ASIC2: variants seen among roughly 807,000 people sequenced by gnomAD.
The protein encoded by ASIC2 is acid-sensing ion channel 2.
A neutral mutation model predicts 57.3 loss-of-function variants in ASIC2; 25 were observed. The ratio of observed to expected loss-of-function variants is 0.44; its 90% CI spans 0.32 to 0.61. The LOEUF (loss-of-function observed/expected upper bound fraction) is 0.61. Ranked by LOEUF, ASIC2 falls within the 20% of genes least tolerant of loss-of-function variation. The pLI, the probability that ASIC2 is intolerant of heterozygous loss-of-function variation, is 0.06. For synonymous variants in ASIC2, 319 were observed against 307.5 expected (o/e 1.04, Z -0.39); for missense variants, 641 against 738.1 (o/e 0.87, Z 1.52).
chr17:33,530,501 G>C (rs1194955563), intron 1 of ASIC2, among the ~76,000 whole-genome samples: 5 of 152,254 alleles, frequency 3.3e-5, no homozygotes, highest in Non-Finnish European at 7.3e-5. Flanking sequence ...GCTGCCCACA[G>C]ACACTGCCAG....
chr17:33,105,828 G>C (rs1567746694), intron 2 of ASIC2, among the ~76,000 whole-genome samples: 1 of 152,198 alleles, frequency 6.6e-6, no homozygotes, highest in African/African-American at 2.4e-5. Context: ...CTGGAGCAAA[G>C]GTCACTCTTG....
At chr17:33,592,953 C>A (rs558786808) in intron 1 of ASIC2, among the ~76,000 whole-genome samples, 2 of 152,314 alleles carry the variant, frequency 1.3e-5, no homozygotes, top group East Asian at 3.9e-4. Flanking sequence ...TTATAATTTG[C>A]AGCTTACAGA....
intron 1 of ASIC2, among the ~76,000 whole-genome samples, chr17:33,689,838 A>G (rs1425151784): frequency 6.6e-6 from 1 of 152,210 alleles, no homozygotes; most frequent in Non-Finnish European, 1.5e-5. Context: ...ATAGAATTGG[A>G]GTGAGGTGGC....
chr17:33,402,758 G>A (rs1230742939), intron 1 of ASIC2, among the ~76,000 whole-genome samples: 1 of 152,148 alleles, frequency 6.6e-6, no homozygotes, highest in Non-Finnish European at 1.5e-5. Flanking sequence ...ACGCGTGTAC[G>A]TATCTTTATA....
chr17:33,610,337 A>G (rs1468015692), intron 1 of ASIC2, among the ~76,000 whole-genome samples: 1 of 151,928 alleles, frequency 6.6e-6, no homozygotes, highest in African/African-American at 2.4e-5. Flanking sequence ...TTGTATTTAT[A>G]GTAGAGACGG....
chr17:33,660,396 T>C (rs1328859273), intron 1 of ASIC2, among the ~76,000 whole-genome samples: 1 of 152,184 alleles, frequency 6.6e-6, no homozygotes, highest in Non-Finnish European at 1.5e-5. Flanking sequence ...CACAAACACA[T>C]TGTACAGCTG....
intron 1 of ASIC2, among the ~76,000 whole-genome samples, chr17:33,239,164 G>A (rs984341951): frequency 1.3e-5 from 2 of 151,166 alleles, no homozygotes; most frequent in African/African-American, 2.4e-5. Flanking sequence ...GGTGGCATGC[G>A]CCTGTAATCC....
intron 1 of ASIC2, among the ~76,000 whole-genome samples, chr17:33,451,816 C>T (rs547743295): frequency 1.1e-4 from 17 of 152,330 alleles, no homozygotes; most frequent in Admixed American, 7.8e-4. Context: ...TACCCCATAG[C>T]ACCCTACGTT....
At chr17:33,803,681 A>C (rs950602800) in intron 1 of ASIC2, among the ~76,000 whole-genome samples, 1 of 147,282 alleles carries the variant, frequency 6.8e-6, no homozygotes, top group Non-Finnish European at 1.5e-5. Flanking sequence ...AATTCATTTC[A>C]CCCACAAAAC....
chr17:33,707,106 A>G (rs1050370593), intron 1 of ASIC2, among the ~76,000 whole-genome samples: 2 of 152,186 alleles, frequency 1.3e-5, no homozygotes, highest in African/African-American at 4.8e-5. Flanking sequence ...AGCTTCTGAT[A>G]GTGCTATTGA....
chr17:33,263,784 C>T (rs911538677), intron 1 of ASIC2, among the ~76,000 whole-genome samples: 2 of 152,258 alleles, frequency 1.3e-5, no homozygotes, highest in African/African-American at 4.8e-5. Flanking sequence ...GGTCTTTCCC[C>T]ATTCTGCTTA....
chr17:33,224,486 G>A lies in ASIC2; in HGVS notation c.708+66922C>T, dbSNP rs751228258. Among the ~76,000 whole-genome samples, 3 of 152,092 alleles carry A rather than the reference G, an allele frequency of 2.0e-5. No homozygotes were observed. In the South Asian group the frequency reaches 6.2e-4, roughly 32 times the overall value. On this transcript the variant is annotated intron_variant, in intron 1 of 9. Coordinates refer to ENST00000225823, the MANE Select transcript of ASIC2 (RefSeq NM_183377.2). ...CTCTCAGAGAAGGTGGAAGTGTGTC[G>A]ATCAACAAATTGGCTAAAATATAGA...
chr17:34,051,670 TA>T (rs1908559841), intron 1 of ASIC2: 2 of 152,156 alleles, frequency 1.3e-5, no homozygotes, highest in Admixed American at 1.3e-4. Context: ...GCATTCTTGT[TA>T]GATTAATAAG....
At chr17:33,525,384 T>C (rs911616499) in intron 1 of ASIC2, among the ~76,000 whole-genome samples, 6 of 152,158 alleles carry the variant, frequency 3.9e-5, no homozygotes, top group Non-Finnish European at 7.4e-5. Flanking sequence ...CCACCACCCC[T>C]TGGAAATATC....
chr17:34,051,252 A>T (rs1039081433), intron 1 of ASIC2, among the ~76,000 whole-genome samples: 2 of 152,090 alleles, frequency 1.3e-5, no homozygotes, highest in African/African-American at 4.8e-5. Context: ...CTCTTAGCTC[A>T]TCTCCCTCTA....
chr17:33,096,640 G>A (rs2092180924), intron 2 of ASIC2, among the ~76,000 whole-genome samples: 1 of 152,172 alleles, frequency 6.6e-6, no homozygotes, highest in South Asian at 2.1e-4. Flanking sequence ...TAACAAACAG[G>A]TACACGTGTA....
At chr17:33,339,486 A>G (rs1198481848) in intron 1 of ASIC2, among the ~76,000 whole-genome samples, 2 of 152,214 alleles carry the variant, frequency 1.3e-5, no homozygotes, top group African/African-American at 4.8e-5. Flanking sequence ...ATAGGTTGCC[A>G]ATCCCTGCTA....
intron 1 of ASIC2, among the ~76,000 whole-genome samples, chr17:33,269,631 C>CTTCCTTCCT (rs1904372859): frequency 3.5e-5 from 2 of 57,864 alleles, no homozygotes; most frequent in African/African-American, 5.9e-5. Flanking sequence ...TCCTTCCTTC[C>CTTCCTTCCT]TTCCTTCCTT....
At chr17:33,046,540 C>A (rs929522461) in intron 3 of ASIC2, among the ~76,000 whole-genome samples, 2 of 151,904 alleles carry the variant, frequency 1.3e-5, no homozygotes, top group African/African-American at 4.8e-5. Flanking sequence ...GTGTGGGGAG[C>A]TGAATACAGG....
Sources: gnomAD v4.1 joint callset for allele counts (sites outside exome capture counted in the v4.1 genomes callset) on GRCh38, gnomAD v4.1.1 for gene constraint, MANE v1.5 for transcripts, NCBI Gene and HGNC (gene_info 2026-07-23, HGNC 2026-07-21) for gene names.